EDA: variants seen among roughly 807,000 people sequenced by gnomAD.
EDA encodes ectodysplasin A.
EDA carries 2 observed loss-of-function variants against 23.6 expected under a neutral mutation model. The observed-to-expected ratio is 0.08, with a 90% CI of 0.03 to 0.27. EDA has a LOEUF of 0.27. Among genes scored for constraint, EDA ranks in the 10% least tolerant of loss-of-function variants. EDA has a pLI of 1.00. For synonymous variants in EDA, 131 were observed against 132.0 expected, an observed-to-expected ratio of 0.99 and a Z score of 0.05; for missense variants, 229 against 324.2, an observed-to-expected ratio of 0.71 and a Z score of 2.26.
chrX:69,781,393 A>C (rs1200801306), intron 1 of EDA, among the ~76,000 whole-genome samples: 1 of 111,713 alleles, frequency 9.0e-6, no homozygotes, highest in East Asian at 2.8e-4. Context: ...TCACAACCTC[A>C]CCAATACTTA....
At chrX:69,937,338 G>A in intron 1 of EDA, 3 of 625,024 alleles carry the variant, frequency 4.8e-6, no homozygotes, top group Non-Finnish European at 8.3e-6. Flanking sequence ...TTTAGATCCT[G>A]CCTGATGTGG....
chrX:69,780,177 C>T (rs371249485), intron 1 of EDA, among the ~76,000 whole-genome samples: 2 of 110,697 alleles, frequency 1.8e-5, no homozygotes, highest in Non-Finnish European at 3.8e-5. Context: ...AAGAAAGATA[C>T]AAATATTAAT....
intron 2 of EDA, among the ~76,000 whole-genome samples, chrX:69,980,862 C>G (rs975752460): frequency 8.9e-6 from 1 of 111,899 alleles, no homozygotes; most frequent in African/African-American, 3.3e-5. Context: ...AAGATAAGAA[C>G]AAAAATAAAG....
At chrX:69,714,528 T>A (rs2012237681) in intron 1 of EDA, among the ~76,000 whole-genome samples, 1 of 111,869 alleles carries the variant, frequency 8.9e-6, no homozygotes, top group South Asian at 3.7e-4. Flanking sequence ...GTTTTATAAT[T>A]TTACTTTTAT....
chrX:69,811,589 A>G (rs2015958062), intron 1 of EDA, among the ~76,000 whole-genome samples: 2 of 111,561 alleles, frequency 1.8e-5, no homozygotes, highest in Non-Finnish European at 3.8e-5. Flanking sequence ...TTATTGCCCT[A>G]ACATCCTCCT....
At chrX:69,697,800 A>G (rs1355694702) in intron 1 of EDA, among the ~76,000 whole-genome samples, 1 of 112,197 alleles carries the variant, frequency 8.9e-6, no homozygotes, top group Non-Finnish European at 1.9e-5. Flanking sequence ...GGACTGGTAC[A>G]TGGGCTACTT....
chrX:69,943,348 A>G (rs1406185601), intron 1 of EDA, among the ~76,000 whole-genome samples: 1 of 111,427 alleles, frequency 9.0e-6, no homozygotes, highest in African/African-American at 3.3e-5. Flanking sequence ...AAGGGACTTG[A>G]GTGTTGTGAT....
intron 1 of EDA, among the ~76,000 whole-genome samples, chrX:69,866,459 C>T (rs1027721486): frequency 3.6e-5 from 4 of 111,075 alleles, no homozygotes; most frequent in Non-Finnish European, 5.7e-5. Context: ...CTGGTGGCAG[C>T]GTTCTTCCCT....
At chrX:69,653,746 T>C (rs1421713255) in intron 1 of EDA, among the ~76,000 whole-genome samples, 2 of 111,524 alleles carry the variant, frequency 1.8e-5, no homozygotes, top group African/African-American at 6.5e-5. Context: ...TGGCTAGCCA[T>C]ATGTAGAAAG....
intron 1 of EDA, among the ~76,000 whole-genome samples, chrX:69,635,564 A>ATTTTTTT (rs1233151859): frequency 7.4e-5 from 2 of 26,965 alleles, no homozygotes; most frequent in African/African-American, 8.9e-4. Flanking sequence ...CTAACACCAA[A>ATTTTTTT]TCTTTTTTTT....
chrX:69,962,504 T>C (rs2019115881), intron 2 of EDA, among the ~76,000 whole-genome samples: 1 of 112,104 alleles, frequency 8.9e-6, no homozygotes, highest in South Asian at 3.8e-4. Flanking sequence ...CAATCTCAGC[T>C]CACTGCAATC....
intron 4 of EDA, among the ~76,000 whole-genome samples, chrX:70,028,629 G>A (rs1038372493): frequency 8.9e-5 from 10 of 112,382 alleles, no homozygotes; most frequent in Non-Finnish European, 1.9e-4. Flanking sequence ...TGTCCTGTCC[G>A]GGAACCAAGT....
At chrX:69,691,146 C>T (rs1471781468) in intron 1 of EDA, among the ~76,000 whole-genome samples, 1 of 111,844 alleles carries the variant, frequency 8.9e-6, no homozygotes, top group East Asian at 2.8e-4. Flanking sequence ...ATAATGACCT[C>T]ACTGACAGTG....
At chrX:69,923,822 C>T (rs761724023) in intron 1 of EDA, among the ~76,000 whole-genome samples, 11 of 111,736 alleles carry the variant, frequency 9.8e-5, no homozygotes, top group South Asian at 7.6e-4. Flanking sequence ...TCCACAGCCT[C>T]GCCATCATCT....
chrX:69,941,211 T>C (rs1303874598), intron 1 of EDA, among the ~76,000 whole-genome samples: 3 of 112,036 alleles, frequency 2.7e-5, no homozygotes, highest in Non-Finnish European at 5.7e-5. Flanking sequence ...TTGAGAATGA[T>C]CCATGTGCTG....
intron 2 of EDA, among the ~76,000 whole-genome samples, chrX:70,008,847 A>C (rs919985628): frequency 5.4e-5 from 6 of 111,532 alleles, no homozygotes; most frequent in Non-Finnish European, 7.5e-5. Context: ...GACTGTAGGG[A>C]ATTAGTATGA....
Position 69,709,767 on chromosome X carries a change from C to G in EDA, c.396+93063C>G, listed in dbSNP as rs776474313. On this transcript the variant is annotated intron_variant, in intron 1 of 7. Transcript: ENST00000374552. ...ACCTCAACCTCCAGAGGAACTGGGA[C>G]TATAGGCATGGGCCATCACTCCTGT... Among the ~76,000 whole-genome samples the G allele has an allele frequency of 1.5e-4, 17 of 112,305 alleles. No homozygotes were observed. The East Asian group carries it at 4.8e-3, about 32-fold the overall frequency.
intron 1 of EDA, among the ~76,000 whole-genome samples, chrX:69,892,347 G>C (rs1438876433): frequency 1.8e-5 from 2 of 111,836 alleles, no homozygotes; most frequent in Non-Finnish European, 3.8e-5. Context: ...GATGCAGATA[G>C]AGAAAATGCT....
rs1556026049 is a variant in EDA, at chrX:69,888,978, T to TATATATATATATATATA, written c.397-68049_397-68048insATATATATATATATATA. ...GTGGAATTGTTGTATTGTGGGGTAG[T>TATATATATATATATATA]TATATATATATATATATATATATAT... On this transcript the variant is annotated intron_variant, in intron 1 of 7. Transcript: ENST00000374552. Among the ~76,000 whole-genome samples, 137 of 16,015 alleles carry TATATATATATATATATA rather than the reference T, an allele frequency of 8.6e-3. 17 individuals carry two copies. The highest frequency in any genetic ancestry group is 0.12 in the Middle Eastern group (1 of 8). 13.9% of individuals were successfully genotyped at this position (16,015 alleles called of 115,157 possible). A position where few individuals can be genotyped will look rare whatever the true frequency, so the allele number is the denominator to read the frequency against.
Sources: allele counts gnomAD v4.1 joint callset (sites outside exome capture counted in the v4.1 genomes callset), GRCh38; gene constraint gnomAD v4.1.1; transcripts MANE v1.5; gene names NCBI Gene and HGNC (gene_info 2026-07-23, HGNC 2026-07-21).